The following DPP6 variants were observed in gnomAD, a reference collection of about 807,000 sequenced individuals.
DPP6 encodes dipeptidyl peptidase like 6, also known as A-type potassium channel modulatory protein DPP6.
Under a neutral mutation model 122.6 loss-of-function variants are expected in DPP6, and 69 were observed. The observed-to-expected ratio is 0.56, with a 90% confidence interval of 0.46 to 0.69. The LOEUF (loss-of-function observed/expected upper bound fraction) is 0.69. Ranked by LOEUF, DPP6 falls within the 30% of genes least tolerant of loss-of-function variation. The pLI, the probability that DPP6 is intolerant of heterozygous loss-of-function variation, is 0.00. For missense variants in DPP6, 928 were observed against 1,116.9 expected (o/e 0.83, Z 2.41); for synonymous variants, 418 against 433.1 (o/e 0.97, Z 0.43).
chr7:154,785,589 C>T (rs186832452), intron 10 of DPP6, among the ~76,000 whole-genome samples: 29 of 152,282 alleles, frequency 1.9e-4, no homozygotes, highest in Non-Finnish European at 3.2e-4. Context: ...ATTAGTCCCC[C>T]GCCCTTTCCT....
intron 1 of DPP6, among the ~76,000 whole-genome samples, chr7:154,319,133 T>C (rs796775975): frequency 1.1e-4 from 17 of 152,362 alleles, no homozygotes; most frequent in African/African-American, 3.8e-4. Flanking sequence ...CTTGTCCTCA[T>C]GAACTTCTCC....
At chr7:154,537,560 C>A (rs932688120) in intron 3 of DPP6, among the ~76,000 whole-genome samples, 1 of 151,972 alleles carries the variant, frequency 6.6e-6, no homozygotes, top group Non-Finnish European at 1.5e-5. Flanking sequence ...CGTGGTGGTG[C>A]AAGCTTGTAA....
Position 154,818,994 on chromosome 7 carries a change from C to A in DPP6, c.1666+11882C>A, listed in dbSNP as rs193018386. On this transcript the variant is annotated intron_variant, in intron 16 of 25. Transcript: ENST00000377770. ...ACAAACATCTTCCATGGAAAAGAAG[C>A]TTCTCACTTTGCCACTCAACACCTT... Among the ~76,000 whole-genome samples, 6 of 152,334 alleles carry A rather than the reference C, an allele frequency of 3.9e-5. No individual in the cohort carries two copies. The East Asian group carries it at 1.2e-3, about 29-fold the overall frequency.
intron 1 of DPP6, among the ~76,000 whole-genome samples, chr7:154,328,251 C>G (rs1808616180): frequency 6.6e-6 from 1 of 152,154 alleles, no homozygotes; most frequent in African/African-American, 2.4e-5. Flanking sequence ...TGGGCATGGC[C>G]TCCTAGAGAA....
intron 3 of DPP6, among the ~76,000 whole-genome samples, chr7:154,522,088 C>T (rs1019443827): frequency 6.6e-6 from 1 of 152,098 alleles, no homozygotes; most frequent in Non-Finnish European, 1.5e-5. Context: ...TTCAGCTTCC[C>T]GGGTAGCTGG....
At position 154,087,324 on chromosome 7, in the gene DPP6, A is replaced by G. The variant is rs566562702; in HGVS notation, c.243+34261A>G. On this transcript the variant is annotated intron_variant, in intron 1 of 25. Transcript: ENST00000377770. ...GTATGGCACAGATTTTAGCTTCATT[A>G]TAAGAGTAGCAGGAAGGCACTGAAG... Among the ~76,000 whole-genome samples, 43 of 152,260 alleles carry G rather than the reference A, an allele frequency of 2.8e-4. No individual in the cohort carries two copies. The East Asian group carries it at 7.7e-3, about 27-fold the overall frequency.
chr7:153,988,960 G>A (rs373259754), intron 1 of DPP6, among the ~76,000 whole-genome samples: 59 of 142,312 alleles, frequency 4.1e-4, no homozygotes, highest in Middle Eastern at 3.6e-3. Context: ...GTCATTACAC[G>A]GGGATTTCTC....
intron 1 of DPP6, among the ~76,000 whole-genome samples, chr7:153,981,578 T>A (rs897053391): frequency 1.3e-5 from 2 of 152,238 alleles, no homozygotes; most frequent in Non-Finnish European, 2.9e-5. Flanking sequence ...AATTTGATCC[T>A]GTTGTTATGA....
intron 4 of DPP6, among the ~76,000 whole-genome samples, chr7:154,558,128 A>G (rs1021618182): frequency 1.3e-5 from 2 of 151,620 alleles, no homozygotes; most frequent in African/African-American, 4.9e-5. Context: ...GCCCCAGTAT[A>G]TGATGTTCCC....
chr7:154,731,138 C>T (rs1385788114), intron 8 of DPP6, among the ~76,000 whole-genome samples: 1 of 151,972 alleles, frequency 6.6e-6, no homozygotes, highest in Non-Finnish European at 1.5e-5. Flanking sequence ...TTGATGATCG[C>T]TTTTGCCTAC....
At position 154,053,212 on chromosome 7, in the gene DPP6, G is replaced by C. The variant is rs546064289; in HGVS notation, c.243+149G>C. 3.2e-3 allele frequency: 2,155 copies of C among 677,446 alleles called. 44 individuals carry two copies. In the African/African-American group the frequency reaches 0.053, roughly 17 times the overall value. The allele number at this position is 677,446 out of a possible 1,614,324, so 42.0% of individuals were successfully genotyped here. ...CTCCGGGCGCCCCCAGACAGGCTCC[G>C]TGGCGCCAGATCGCGGTCACCGCGT... On this transcript the variant is annotated intron_variant, in intron 1 of 25. Coordinates refer to ENST00000377770, the MANE Select transcript of DPP6 (RefSeq NM_130797.4).
chr7:154,818,093 G>A (rs1799533949), intron 16 of DPP6, among the ~76,000 whole-genome samples: 1 of 152,100 alleles, frequency 6.6e-6, no homozygotes, highest in Non-Finnish European at 1.5e-5. Flanking sequence ...GAGGTGAAGG[G>A]GCTTATTTTT....
At chr7:154,018,993 AACAAAT>A (rs1229672714) in intron 1 of DPP6, among the ~76,000 whole-genome samples, 1 of 152,234 alleles carries the variant, frequency 6.6e-6, no homozygotes, top group Non-Finnish European at 1.5e-5. Context: ...AAAAATGCAA[AACAAAT>A]ACAATAAACA....
intron 1 of DPP6, among the ~76,000 whole-genome samples, chr7:153,955,676 C>T (rs1057252176): frequency 1.3e-5 from 2 of 152,056 alleles, no homozygotes; most frequent in South Asian, 4.1e-4. Context: ...TGAGCTCAGG[C>T]GATCCACCCA....
intron 6 of DPP6, among the ~76,000 whole-genome samples, chr7:154,666,317 C>T (rs1275734696): frequency 6.6e-6 from 1 of 150,650 alleles, no homozygotes; most frequent in African/African-American, 2.5e-5. Flanking sequence ...TTCTCTCTTA[C>T]ACCTGCACCC....
chr7:153,783,832 A>C, the DPP6 span, among the ~76,000 whole-genome samples: 1 of 152,232 alleles, frequency 6.6e-6, no homozygotes, highest in Non-Finnish European at 1.5e-5. Flanking sequence ...TATTCACAGC[A>C]ACATTGTTAT....
the DPP6 span, among the ~76,000 whole-genome samples, chr7:153,813,273 A>G: frequency 2.7e-5 from 4 of 149,146 alleles, no homozygotes; most frequent in Non-Finnish European, 5.9e-5. Context: ...GAGAATATGC[A>G]GTGTTTGGTT....
chr7:154,472,837 A>G (rs1822398774), intron 2 of DPP6, among the ~76,000 whole-genome samples: 1 of 152,252 alleles, frequency 6.6e-6, no homozygotes, highest in South Asian at 2.1e-4. Context: ...AGCATATATC[A>G]TAATGCCTCC....
intron 7 of DPP6, among the ~76,000 whole-genome samples, chr7:154,710,320 A>G (rs762430476): frequency 4.6e-5 from 7 of 152,252 alleles, no homozygotes; most frequent in Non-Finnish European, 8.8e-5. Flanking sequence ...GCAACTTATC[A>G]TAAATAATGC....
Sources: gnomAD v4.1 joint callset for allele counts (sites outside exome capture counted in the v4.1 genomes callset) on GRCh38, gnomAD v4.1.1 for gene constraint, MANE v1.5 for transcripts, NCBI Gene and HGNC (gene_info 2026-07-23, HGNC 2026-07-21) for gene names.